Variants in HTR2C observed in about 807,000 individuals in gnomAD.
The protein encoded by HTR2C is 5-hydroxytryptamine (serotonin) receptor 2C, G protein-coupled.
A neutral mutation model predicts 21.0 loss-of-function variants in HTR2C; 5 were observed. The ratio of observed to expected loss-of-function variants is 0.24; its 90% CI spans 0.12 to 0.50. The LOEUF is 0.50. HTR2C is among the 20% of genes least tolerant of loss of function. HTR2C has a pLI of 0.98. For synonymous variants in HTR2C, 150 were observed against 145.3 expected (o/e 1.03, Z -0.23); for missense variants, 271 against 371.2 (o/e 0.73, Z 2.22).
At chrX:114,723,124 G>A (rs1338122534) in intron 2 of HTR2C, among the ~76,000 whole-genome samples, 1,265 of 111,083 alleles carry the variant, frequency 0.011, 11 homozygotes, top group Non-Finnish European at 0.018. Context: ...GGTAGAATTT[G>A]GCTGTGAATC....
intron 4 of HTR2C, among the ~76,000 whole-genome samples, chrX:114,796,047 T>A (rs1602794619): frequency 9.0e-6 from 1 of 111,476 alleles, no homozygotes; most frequent in East Asian, 2.8e-4. Context: ...ATATAGCATA[T>A]ATAGATATAG....
intron 5 of HTR2C, among the ~76,000 whole-genome samples, chrX:114,897,186 A>G (rs2071303114): frequency 8.9e-6 from 1 of 111,863 alleles, no homozygotes; most frequent in Admixed American, 9.5e-5. Flanking sequence ...ATTGTCATGT[A>G]TGCTCTTGCT....
intron 5 of HTR2C, among the ~76,000 whole-genome samples, chrX:114,855,742 C>A (rs914886747): frequency 8.4e-5 from 6 of 71,567 alleles, no homozygotes; most frequent in African/African-American, 1.1e-4. Context: ...CTCAAAGCAA[C>A]CATCTTTTTT....
chrX:114,786,694 A>T (rs2070177834), intron 4 of HTR2C, among the ~76,000 whole-genome samples: 1 of 110,974 alleles, frequency 9.0e-6, no homozygotes, highest in African/African-American at 3.3e-5. Context: ...GATATTTTTG[A>T]AGGTTAGGGA....
chrX:114,870,283 T>C (rs1365973157), intron 5 of HTR2C, among the ~76,000 whole-genome samples: 2 of 110,127 alleles, frequency 1.8e-5, no homozygotes, highest in Non-Finnish European at 3.8e-5. Flanking sequence ...GGTTTTGCCA[T>C]GTTGGCCAGG....
At chrX:114,793,955 G>T (rs782471803) in intron 4 of HTR2C, among the ~76,000 whole-genome samples, 1 of 110,642 alleles carries the variant, frequency 9.0e-6, no homozygotes, top group African/African-American at 3.3e-5. Context: ...AAATAAAATG[G>T]TGAGAATAGC....
chrX:114,656,551 T>C (rs782722313), intron 2 of HTR2C, among the ~76,000 whole-genome samples: 1 of 111,023 alleles, frequency 9.0e-6, no homozygotes, highest in Non-Finnish European at 1.9e-5. Context: ...GAAACAGAAA[T>C]AGAGAGTTTT....
At chrX:114,842,164 C>A (rs1175997444) in intron 4 of HTR2C, among the ~76,000 whole-genome samples, 1 of 112,236 alleles carries the variant, frequency 8.9e-6, no homozygotes, top group Non-Finnish European at 1.9e-5. Flanking sequence ...AGTAAGGGAG[C>A]ACTGTAGGGT....
Position 114,643,740 on chromosome X carries a change from T to C in HTR2C, c.-80+29859T>C, listed in dbSNP as rs978288016. ...CTTGGGCTGGCTTAATTTCAGGCAA[T>C]TTACTGCTGAAAGTAGTAGAAACAA... On this transcript the variant is annotated intron_variant, in intron 2 of 5. Coordinates refer to ENST00000276198, the MANE Select transcript of HTR2C (RefSeq NM_000868.4). Among the ~76,000 whole-genome samples, 9 of 112,045 alleles carry C rather than the reference T, an allele frequency of 8.0e-5. No homozygotes were observed. The East Asian group carries it at 1.1e-3, about 14-fold the overall frequency.
intron 4 of HTR2C, chrX:114,763,333 C>G (rs782747788): frequency 1.6e-5 from 2 of 122,793 alleles, no homozygotes; most frequent in African/African-American, 3.2e-5. Flanking sequence ...CCGGGGCTGC[C>G]AAATCTACAA....
intron 1 of HTR2C, among the ~76,000 whole-genome samples, chrX:114,594,388 G>C (rs1396911940): frequency 2.7e-5 from 3 of 111,193 alleles, no homozygotes; most frequent in Non-Finnish European, 5.7e-5. Context: ...GGGGAGAAGA[G>C]AGATGGGTGT....
chrX:114,816,988 T>A (rs1200095560), intron 4 of HTR2C, among the ~76,000 whole-genome samples: 2 of 110,804 alleles, frequency 1.8e-5, no homozygotes, highest in African/African-American at 3.3e-5. Context: ...GACTGACAGA[T>A]TTGCATGTAA....
rs782790542 is a variant in HTR2C at position 114,694,209 on chromosome X, T to G, written c.-79-32649T>G. ...TGAAACTGTTTATTTTCCTTCACTCTTGAAAGCATGAGGAAGAATAAATTT... is the reference window on the plus strand; with the variant it reads ...TGAAACTGTTTATTTTCCTTCACTCGTGAAAGCATGAGGAAGAATAAATTT... On this transcript the variant is annotated intron_variant, in intron 2 of 5. Transcript: ENST00000276198. Among the ~76,000 whole-genome samples the G allele has an allele frequency of 9.0e-5, 10 of 111,050 alleles. No individual in the cohort carries two copies. The Admixed American group carries it at 9.5e-4, about 11-fold the overall frequency.
chrX:114,724,285 T>G (rs1433183852), intron 2 of HTR2C, among the ~76,000 whole-genome samples: 6 of 97,667 alleles, frequency 6.1e-5, no homozygotes, highest in Non-Finnish European at 1.0e-4. Context: ...CTTCTTTGTC[T>G]CTTTTGATCT....
intron 2 of HTR2C, among the ~76,000 whole-genome samples, chrX:114,690,712 T>G (rs1193335202): frequency 9.0e-6 from 1 of 111,671 alleles, no homozygotes; most frequent in Non-Finnish European, 1.9e-5. Context: ...TAGTTGAGTA[T>G]CAGCTTGAGA....
chrX:114,631,123 G>A lies in HTR2C; in HGVS notation c.-80+17242G>A, dbSNP rs141574507. ...GATCAAGGCCATGCTGGCCAACGTG[G>A]CGAAACCCGTCTCTACTAAAAATAC... On this transcript the variant is annotated intron_variant, in intron 2 of 5. Coordinates refer to ENST00000276198, the MANE Select transcript of HTR2C (RefSeq NM_000868.4). Among the ~76,000 whole-genome samples, 79 of 111,113 alleles carry A rather than the reference G, an allele frequency of 7.1e-4. 1 individual carries two copies. Among genetic ancestry groups the A allele is most frequent in the Non-Finnish European group, 1.3e-3 (68 of 52,984 alleles).
At chrX:114,857,372 A>G (rs1023273528) in intron 5 of HTR2C, among the ~76,000 whole-genome samples, 2 of 111,427 alleles carry the variant, frequency 1.8e-5, no homozygotes, top group Non-Finnish European at 3.8e-5. Flanking sequence ...TCCATATAAA[A>G]TAGACTACAG....
At chrX:114,831,639 T>C (rs2070729275) in intron 4 of HTR2C, among the ~76,000 whole-genome samples, 1 of 107,837 alleles carries the variant, frequency 9.3e-6, no homozygotes. Context: ...TTTCTCCCAT[T>C]TTGCAGGTTG....
chrX:114,838,915 C>G (rs782574933), intron 4 of HTR2C, among the ~76,000 whole-genome samples: 6 of 112,048 alleles, frequency 5.4e-5, no homozygotes, highest in Non-Finnish European at 1.1e-4. Flanking sequence ...TAGTGATAAT[C>G]AGGATATACT....
Sources: allele counts gnomAD v4.1 joint callset (sites outside exome capture counted in the v4.1 genomes callset), GRCh38; gene constraint gnomAD v4.1.1; transcripts MANE v1.5; gene names NCBI Gene and HGNC (gene_info 2026-07-23, HGNC 2026-07-21).